The following MYH9 variants were observed in gnomAD, a reference collection of about 807,000 sequenced individuals.
MYH9 encodes myosin heavy chain 9.
A neutral mutation model predicts 241.9 loss-of-function variants in MYH9; 29 were observed. The observed-to-expected ratio is 0.12, with a 90% CI of 0.09 to 0.16. The LOEUF is 0.16. MYH9 is among the 10% of genes least tolerant of loss of function. MYH9 has a pLI of 1.00. For missense variants in MYH9, 1,803 were observed against 2,595.5 expected (o/e 0.69, Z 6.63); for synonymous variants, 1,047 against 1,062.6 (o/e 0.99, Z 0.29).
At chr22:36,356,454 G>A (rs2017857299) in intron 1 of MYH9, among the ~76,000 whole-genome samples, 1 of 151,790 alleles carries the variant, frequency 6.6e-6, no homozygotes, top group Admixed American at 6.6e-5. Flanking sequence ...GGTGGCGCGT[G>A]CCTGTAATCC....
chr22:36,301,062 AAAC>A lies in MYH9; in HGVS notation c.2632-8_2632-6del, dbSNP rs773975934. On this transcript the variant is annotated splice_region_variant and splice_polypyrimidine_tract_variant and intron_variant, in intron 21 of 40. Transcript: ENST00000216181. ...CTGCAATTTCTCTGCCATGAGCTGC[AAAC>A]AACAAGTGGAAAACACAAGCTCCTC... 6.6e-5 allele frequency: 106 copies of A among 1,608,408 alleles called. No homozygotes were observed. Among genetic ancestry groups the A allele is most frequent in the East Asian group, 1.6e-4 (7 of 44,892 alleles).
At position 36,288,668 on chromosome 22, in the gene MYH9, G is replaced by C. The variant is rs1255166790; in HGVS notation, c.4770+59C>G. On this transcript the variant is annotated intron_variant, in intron 33 of 40. Coordinates refer to ENST00000216181, the MANE Select transcript of MYH9 (RefSeq NM_002473.6). The surrounding 1 kb of genome is among the most constrained non-coding windows in gnomAD (Gnocchi z 4.8). ...ATCCAGGTGGAAGGAGAGAACAGAA[G>C]CCTGCGTGAAGCCAAGGCAGCCTTG... 1 of 1,579,874 alleles carries C rather than the reference G, an allele frequency of 6.3e-7. No individual in the cohort carries two copies. Among genetic ancestry groups the C allele is most frequent in the East Asian group, 2.2e-5 (1 of 44,776 alleles).
chr22:36,303,389 G>T (rs1230866178), intron 19 of MYH9, among the ~76,000 whole-genome samples: 1 of 151,806 alleles, frequency 6.6e-6, no homozygotes, highest in East Asian at 1.9e-4. Flanking sequence ...GTCCCCACAA[G>T]GGTCACACGG....
At chr22:36,332,604 C>T in intron 3 of MYH9, among the ~76,000 whole-genome samples, 1 of 146,898 alleles carries the variant, frequency 6.8e-6, no homozygotes, top group East Asian at 1.9e-4. Context: ...GACCCAAGTC[C>T]CCACTTATAG....
chr22:36,381,773 G>A (rs957007328), intron 1 of MYH9, among the ~76,000 whole-genome samples: 8 of 152,108 alleles, frequency 5.3e-5, no homozygotes, highest in Admixed American at 2.0e-4. Flanking sequence ...TTTTCAAAGG[G>A]ATGCAAGGAC....
At chr22:36,360,145 C>T (rs2017916246) in intron 1 of MYH9, among the ~76,000 whole-genome samples, 2 of 147,616 alleles carry the variant, frequency 1.4e-5, no homozygotes, top group African/African-American at 4.9e-5. Flanking sequence ...CCTCCCAACT[C>T]CTCTATCTTG....
chr22:36,333,994 C>G lies in MYH9; in HGVS notation c.491-6506G>C, dbSNP rs1362835392. Among the ~76,000 whole-genome samples, 5 of 152,168 alleles carry G rather than the reference C, an allele frequency of 3.3e-5. No homozygotes were observed. In the East Asian group the frequency reaches 9.7e-4, roughly 29 times the overall value. ...CACTGGGCAAAGCTTCCAAACACCC[C>G]CACCCAAAATTTCAGGTTCTAAGAG... On this transcript the variant is annotated intron_variant, in intron 3 of 40. Transcript: ENST00000216181.
chr22:36,311,615 C>T (rs1488886777), intron 14 of MYH9, among the ~76,000 whole-genome samples: 1 of 152,204 alleles, frequency 6.6e-6, no homozygotes, highest in Admixed American at 6.5e-5. Context: ...GTTTAATCCA[C>T]ATAATCCTGT....
chr22:36,387,487 G>C (rs1254586465), intron 1 of MYH9, among the ~76,000 whole-genome samples: 1 of 152,024 alleles, frequency 6.6e-6, no homozygotes, highest in African/African-American at 2.4e-5. Flanking sequence ...CAGCGGCTGG[G>C]GGAGGTCGGC....
At position 36,286,810 on chromosome 22, in the gene MYH9, T is replaced by C. The variant is rs752423809; in HGVS notation, c.4969A>G (p.Thr1657Ala). 2.0e-5 allele frequency: 33 copies of C among 1,611,296 alleles called. No individual in the cohort carries two copies. The highest frequency in any genetic ancestry group is 2.7e-5 in the Non-Finnish European group (32 of 1,180,014). ...AGGATCTCCTCACGAGAGGCGCGGG[T>C]GTCATCCAGCTCGCGCATGCAGTCC... Reference protein sequence around the residue: ...MKDCMRELDDTRASREEILAQ... With the variant: ...MKDCMRELDDARASREEILAQ... Residue 1657 changes from threonine (T) to alanine (A), a missense_variant, in exon 35 of 41, where the codon ACC becomes GCC. Physicochemically the swap from Thr to Ala is moderately conservative, Grantham distance 58 (BLOSUM62 0). Coordinates refer to ENST00000216181, the MANE Select transcript of MYH9 (RefSeq NM_002473.6).
Position 36,318,277 on chromosome 22 carries a change from G to C in MYH9, c.1157C>G (p.Thr386Ser), listed in dbSNP as rs761384179. Residue 386 changes from threonine (T) to serine (S), a missense_variant, in exon 11 of 41, where the codon ACC becomes AGC. Thr to Ser is a moderately conservative substitution (Grantham distance 58, BLOSUM62 1). Around this residue, in one of 11 missense-constraint regions of MYH9, gnomAD observed 222 missense variants for 359.9 expected, o/e 0.62. Transcript: ENST00000216181. ...HLLGINVTDFTRGILTPRIKV... is the reference protein window; with the variant it reads ...HLLGINVTDFSRGILTPRIKV... ...GATGCGCGGGGTGAGGATTCCTCTG[G>C]TGAAATCGGTCACATTGATACCCAA... The C allele has an allele frequency of 6.2e-7, 1 of 1,613,880 alleles. No homozygotes were observed.
intron 18 of MYH9, among the ~76,000 whole-genome samples, chr22:36,304,756 C>A (rs1054520460): frequency 6.6e-6 from 1 of 152,208 alleles, no homozygotes; most frequent in Non-Finnish European, 1.5e-5. Flanking sequence ...GAGAATGTCC[C>A]CCAAACCAAA....
At chr22:36,303,386 C>T (rs1224998770) in intron 19 of MYH9, among the ~76,000 whole-genome samples, 1 of 151,744 alleles carries the variant, frequency 6.6e-6, no homozygotes, top group African/African-American at 2.4e-5. Context: ...GCTGTCCCCA[C>T]AAGGGTCACA....
In MYH9 at chr22:36,306,720, T is replaced by C; in HGVS notation, c.1844-113A>G. The C allele has an allele frequency of 3.7e-6, 4 of 1,081,598 alleles. No homozygotes were observed. Among genetic ancestry groups the C allele is most frequent in the Non-Finnish European group, 5.5e-6 (4 of 733,010 alleles). The allele number at this position is 1,081,598 out of a possible 1,614,324, so 67.0% of individuals were successfully genotyped here. ...TCGGACAGGAAAAGAGGAGACAGAA[T>C]GAAACAACAGGACCCTTTCCAATTG... On this transcript the variant is annotated intron_variant, in intron 15 of 40. Coordinates refer to ENST00000216181, the MANE Select transcript of MYH9 (RefSeq NM_002473.6). The surrounding 1 kb of genome is among the most constrained non-coding windows in gnomAD (Gnocchi z 4.1).
intron 1 of MYH9, among the ~76,000 whole-genome samples, chr22:36,355,124 C>T (rs1300431890): frequency 6.6e-6 from 1 of 152,032 alleles, no homozygotes; most frequent in Non-Finnish European, 1.5e-5. Flanking sequence ...AGGCTGAGGC[C>T]ATCCCCCAGC....
Position 36,284,514 on chromosome 22 carries a change from G to C in MYH9, c.5484-3C>G. On this transcript the variant is annotated splice_polypyrimidine_tract_variant and splice_region_variant and intron_variant, in intron 38 of 40. Coordinates refer to ENST00000216181, the MANE Select transcript of MYH9 (RefSeq NM_002473.6). ...GTTTGCAGGCTGCCTGGCGCTCCCTGCATGACAGACAAGGTGGCTCAGAGG... is the reference window on the plus strand; with the variant it reads ...GTTTGCAGGCTGCCTGGCGCTCCCTCCATGACAGACAAGGTGGCTCAGAGG... The C allele has an allele frequency of 6.2e-7, 1 of 1,611,880 alleles. No individual in the cohort carries two copies. The highest frequency in any genetic ancestry group is 1.7e-5 in the Admixed American group (1 of 60,018).
At chr22:36,359,958 G>A (rs1359487804) in intron 1 of MYH9, among the ~76,000 whole-genome samples, 1 of 151,912 alleles carries the variant, frequency 6.6e-6, no homozygotes, top group African/African-American at 2.4e-5. Flanking sequence ...GGAGTCCCAG[G>A]TCCCCTGCTC....
At position 36,288,173 on chromosome 22, in the gene MYH9, G is replaced by A; in HGVS notation, c.4932+79C>T. On this transcript the variant is annotated intron_variant, in intron 34 of 40. Transcript: ENST00000216181. The surrounding 1 kb of genome is among the most constrained non-coding windows in gnomAD (Gnocchi z 4.8). ...GCCACCCTGCCAGGTTCCCGCCCTG[G>A]GCCGAGCCCTGGCACCTTCATATGT... 6.3e-7 allele frequency: 1 copy of A among 1,580,016 alleles called. No individual in the cohort carries two copies. The highest frequency in any genetic ancestry group is 8.6e-7 in the Non-Finnish European group (1 of 1,158,830).
chr22:36,348,722 G>C lies in MYH9; in HGVS notation c.333+182C>G, dbSNP rs768634085. Among the ~76,000 whole-genome samples the C allele has an allele frequency of 4.7e-4, 72 of 151,968 alleles. 2 individuals are homozygous for C. Among genetic ancestry groups the C allele is most frequent in the Non-Finnish European group, 1.0e-4 (7 of 67,996 alleles). On this transcript the variant is annotated intron_variant, in intron 2 of 40. Transcript: ENST00000216181. Reference sequence around the variant, plus strand: ...CAAAGGGAAAAGAATAATGCTATAAGAACATCCCACTAGGATGTTCAGATG... The same window carrying C: ...CAAAGGGAAAAGAATAATGCTATAACAACATCCCACTAGGATGTTCAGATG...
Sources: gnomAD v4.1 joint callset for allele counts (sites outside exome capture counted in the v4.1 genomes callset) on GRCh38, gnomAD v4.1.1 for gene constraint, gnomAD v4.1.1 regional missense constraint, Gnocchi (gnomAD v3.1) non-coding constraint, MANE v1.5 for transcripts, NCBI Gene and HGNC (gene_info 2026-07-23, HGNC 2026-07-21) for gene names.